The following RANBP2 variants were observed in gnomAD, a reference collection of about 807,000 sequenced individuals.
The protein encoded by RANBP2 is E3 SUMO-protein ligase RanBP2.
A neutral mutation model predicts 303.6 loss-of-function variants in RANBP2; 57 were observed. The observed-to-expected ratio is 0.19, with a 90% confidence interval of 0.15 to 0.23. The LOEUF (loss-of-function observed/expected upper bound fraction) is 0.23, where lower values mean the gene tolerates loss of function less well. RANBP2 is among the 10% of genes least tolerant of loss of function. RANBP2 has a pLI of 1.00. For synonymous variants in RANBP2, 1,167 were observed against 1,301.5 expected (o/e 0.90, Z 2.23); for missense variants, 3,138 against 3,780.8 (o/e 0.83, Z 4.46).
chr2:109,147,546 T>G, the RANBP2 span, among the ~76,000 whole-genome samples: 1 of 152,306 alleles, frequency 6.6e-6, no homozygotes, highest in South Asian at 2.1e-4. Flanking sequence ...ATGCTAAACA[T>G]AGTACCGTAA....
the RANBP2 span, among the ~76,000 whole-genome samples, chr2:109,107,375 G>C: frequency 2.0e-5 from 3 of 152,168 alleles, no homozygotes; most frequent in African/African-American, 7.2e-5. Flanking sequence ...GATGGAAAGA[G>C]AGCAAAGTAG....
the RANBP2 span, among the ~76,000 whole-genome samples, chr2:109,086,590 G>C: frequency 1.3e-5 from 2 of 152,182 alleles, no homozygotes; most frequent in Non-Finnish European, 2.9e-5. Flanking sequence ...CCCATCGAGT[G>C]AGTCTTCTGC....
the RANBP2 span, among the ~76,000 whole-genome samples, chr2:109,041,131 T>G: frequency 6.6e-6 from 1 of 152,234 alleles, no homozygotes; most frequent in East Asian, 1.9e-4. Context: ...TACTGGTATA[T>G]ATAATGCAAT....
chr2:109,489,272 C>A, the RANBP2 span, among the ~76,000 whole-genome samples: 1 of 152,246 alleles, frequency 6.6e-6, no homozygotes, highest in African/African-American at 2.4e-5. Flanking sequence ...CTTTAGACAC[C>A]TTATCGGGTG....
the RANBP2 span, among the ~76,000 whole-genome samples, chr2:109,538,044 G>C: frequency 6.6e-6 from 1 of 152,154 alleles, no homozygotes; most frequent in African/African-American, 2.4e-5. Flanking sequence ...GCCTCACTGG[G>C]CTAAAGTCCA....
the RANBP2 span, among the ~76,000 whole-genome samples, chr2:109,380,271 T>G: frequency 1.3e-5 from 2 of 152,292 alleles, no homozygotes; most frequent in East Asian, 3.9e-4. Context: ...TAATAGAATA[T>G]CTTACATTCC....
At chr2:108,810,753 T>C in the RANBP2 span, among the ~76,000 whole-genome samples, 1 of 152,220 alleles carries the variant, frequency 6.6e-6, no homozygotes, top group Non-Finnish European at 1.5e-5. Context: ...AAAGTTTTAA[T>C]TCAGCAGTGA....
At chr2:109,663,734 A>T in the RANBP2 span, among the ~76,000 whole-genome samples, 1 of 152,234 alleles carries the variant, frequency 6.6e-6, no homozygotes, top group Admixed American at 6.5e-5. Context: ...GGCCAGGAAC[A>T]CTTGAGGCAA....
chr2:108,766,742 A>G lies in RANBP2; in HGVS notation c.6203A>G (p.Asn2068Ser), dbSNP rs150424672. ...GNLKILKNEV[N>S]GKLRMLMRRE... ...TTAAAAATTCTCAAAAACGAGGTCAATGGCAAACTAAGAATGCTGATGCGA... is the reference window on the plus strand; with the variant it reads ...TTAAAAATTCTCAAAAACGAGGTCAGTGGCAAACTAAGAATGCTGATGCGA... The change falls in exon 20 of 29, where the codon AAT becomes AGT. Residue 2068 changes from asparagine (N) to serine (S), a missense_variant. By Grantham distance (46) the Asn-to-Ser change is conservative. Transcript: ENST00000283195. 464 of 1,612,024 alleles carry G rather than the reference A, an allele frequency of 2.9e-4. 3 individuals are homozygous for G. The South Asian group carries it at 4.3e-3, about 15-fold the overall frequency.
the RANBP2 span, among the ~76,000 whole-genome samples, chr2:109,087,172 G>A: frequency 8.5e-5 from 13 of 152,198 alleles, no homozygotes; most frequent in Non-Finnish European, 1.0e-4. Flanking sequence ...GAAGGCTCTG[G>A]TCAGGGCCAT....
At chr2:109,336,729 T>C in the RANBP2 span, among the ~76,000 whole-genome samples, 1 of 152,326 alleles carries the variant, frequency 6.6e-6, no homozygotes, top group East Asian at 1.9e-4. Flanking sequence ...AACATCCAAT[T>C]TTGTGGAGAT....
At chr2:108,930,046 C>T in the RANBP2 span, 3 of 1,533,350 alleles carry the variant, frequency 2.0e-6, no homozygotes, top group Non-Finnish European at 2.6e-6. Context: ...GCAAGGCAGG[C>T]TCAGGGCAAC....
the RANBP2 span, among the ~76,000 whole-genome samples, chr2:108,886,931 C>A: frequency 6.6e-6 from 1 of 152,128 alleles, no homozygotes; most frequent in African/African-American, 2.4e-5. Flanking sequence ...TGTTTTGTTG[C>A]CTGTGCTTTT....
the RANBP2 span, among the ~76,000 whole-genome samples, chr2:108,958,007 C>T: frequency 6.6e-6 from 1 of 152,196 alleles, no homozygotes; most frequent in South Asian, 2.1e-4. Flanking sequence ...TTTAAGCAGC[C>T]CTTTGGATTA....
chr2:109,309,727 A>T, the RANBP2 span, among the ~76,000 whole-genome samples: 2 of 127,656 alleles, frequency 1.6e-5, 1 homozygote, highest in African/African-American at 7.7e-5. Flanking sequence ...ACCAACAAAG[A>T]TCAAAAGAGA....
chr2:108,890,828 C>G, the RANBP2 span, among the ~76,000 whole-genome samples: 1 of 152,088 alleles, frequency 6.6e-6, no homozygotes, highest in African/African-American at 2.4e-5. Context: ...TGTGTTTTCC[C>G]AAGTGTCATG....
the RANBP2 span, among the ~76,000 whole-genome samples, chr2:109,301,477 T>A: frequency 6.6e-6 from 1 of 152,098 alleles, no homozygotes; most frequent in Non-Finnish European, 1.5e-5. Flanking sequence ...ATGGCAGGTG[T>A]CTGAGGATGG....
the RANBP2 span, among the ~76,000 whole-genome samples, chr2:109,387,355 A>G: frequency 6.6e-6 from 1 of 152,124 alleles, no homozygotes; most frequent in African/African-American, 2.4e-5. Context: ...TCCCCATCTC[A>G]GGGGAGATCC....
chr2:109,108,595 C>T, the RANBP2 span, among the ~76,000 whole-genome samples: 2 of 152,192 alleles, frequency 1.3e-5, no homozygotes, highest in African/African-American at 2.4e-5. Context: ...ACACTGCTGC[C>T]TTCCAAAGTG....
Sources: gnomAD v4.1 joint callset for allele counts (sites outside exome capture counted in the v4.1 genomes callset) on GRCh38, gnomAD v4.1.1 for gene constraint, MANE v1.5 for transcripts, NCBI Gene and HGNC (gene_info 2026-07-23, HGNC 2026-07-21) for gene names.